The following IQCM variants were observed in gnomAD, a reference collection of about 807,000 sequenced individuals.
The protein encoded by IQCM is IQ domain-containing protein M.
A neutral mutation model predicts 57.6 loss-of-function variants in IQCM; 45 were observed. The ratio of observed to expected loss-of-function variants is 0.78; its 90% CI spans 0.62 to 1.00. The LOEUF is 1.00. Ranked by LOEUF, IQCM falls within the 50% of genes least tolerant of loss-of-function variation. The probability of loss-of-function intolerance (pLI) is 0.00; values close to 1 mark genes in which losing one functional copy is unlikely to be tolerated. For missense variants in IQCM, 468 were observed against 511.6 expected, an observed-to-expected ratio of 0.91 and a Z score of 0.82; for synonymous variants, 148 against 158.9, an observed-to-expected ratio of 0.93 and a Z score of 0.51.
intron 12 of IQCM, among the ~76,000 whole-genome samples, chr4:149,457,240 G>T (rs1737797227): frequency 6.6e-6 from 1 of 151,988 alleles, no homozygotes; most frequent in African/African-American, 2.4e-5. Flanking sequence ...ATTATAATTA[G>T]CACTATCTAA....
intron 13 of IQCM, among the ~76,000 whole-genome samples, chr4:149,378,506 T>C (rs1448902338): frequency 6.6e-6 from 1 of 152,112 alleles, no homozygotes; most frequent in Non-Finnish European, 1.5e-5. Context: ...AGGTGACTCA[T>C]TATATTTTAG....
intron 7 of IQCM, among the ~76,000 whole-genome samples, chr4:149,656,392 A>C (rs77744384): frequency 0.024 from 3,708 of 152,114 alleles, 70 homozygotes; most frequent in Non-Finnish European, 0.032. Flanking sequence ...ATTTATGAAA[A>C]GATACTTGAT....
intron 2 of IQCM, among the ~76,000 whole-genome samples, chr4:149,748,458 A>C (rs2149927021): frequency 6.6e-6 from 1 of 152,258 alleles, no homozygotes; most frequent in South Asian, 2.1e-4. Context: ...GAGATGTTAA[A>C]CTGAGAACAC....
intron 13 of IQCM, among the ~76,000 whole-genome samples, chr4:149,401,100 A>G (rs568909599): frequency 6.6e-6 from 1 of 151,888 alleles, no homozygotes; most frequent in African/African-American, 2.4e-5. Context: ...CTAAATTTAG[A>G]TGAATAAGAT....
intron 7 of IQCM, among the ~76,000 whole-genome samples, chr4:149,645,206 T>C (rs921672857): frequency 6.6e-6 from 1 of 152,234 alleles, no homozygotes; most frequent in African/African-American, 2.4e-5. Flanking sequence ...GTTGGTTATA[T>C]GTATTACAAT....
intron 8 of IQCM, among the ~76,000 whole-genome samples, chr4:149,595,160 T>A (rs1414153800): frequency 6.6e-6 from 1 of 152,186 alleles, no homozygotes; most frequent in Non-Finnish European, 1.5e-5. Flanking sequence ...GCATATATAT[T>A]TAGGATAGTT....
chr4:149,707,707 T>A (rs1010524664), intron 5 of IQCM, among the ~76,000 whole-genome samples: 7 of 151,964 alleles, frequency 4.6e-5, no homozygotes, highest in African/African-American at 1.7e-4. Context: ...TCAGCCTACA[T>A]GTTGTACTAT....
At chr4:149,362,767 T>A (rs1293826678) in intron 13 of IQCM, among the ~76,000 whole-genome samples, 2 of 152,216 alleles carry the variant, frequency 1.3e-5, no homozygotes, top group Admixed American at 1.3e-4. Context: ...AGCTTGAACT[T>A]ACGTTTTGTG....
chr4:149,511,289 C>T (rs1744386724), intron 12 of IQCM, among the ~76,000 whole-genome samples: 1 of 151,848 alleles, frequency 6.6e-6, no homozygotes, highest in African/African-American at 2.4e-5. Flanking sequence ...GAGGCCAAGG[C>T]AGGTGGATCA....
intron 13 of IQCM, among the ~76,000 whole-genome samples, chr4:149,416,482 A>T (rs1733757958): frequency 6.6e-6 from 1 of 152,034 alleles, no homozygotes; most frequent in Admixed American, 6.6e-5. Flanking sequence ...TTTGGTATAC[A>T]TTAGAATCTC....
intron 2 of IQCM, among the ~76,000 whole-genome samples, chr4:149,814,521 T>G (rs947391498): frequency 4.0e-5 from 6 of 151,532 alleles, no homozygotes; most frequent in African/African-American, 1.4e-4. Flanking sequence ...ATCTTTATAC[T>G]TAATCATTCC....
chr4:149,534,384 C>T (rs546375821), intron 12 of IQCM, among the ~76,000 whole-genome samples: 133 of 152,074 alleles, frequency 8.7e-4, no homozygotes, highest in African/African-American at 2.7e-3. Context: ...TTGTTAATGC[C>T]GATAGGCATT....
At chr4:149,644,208 A>C (rs1320496020) in intron 7 of IQCM, among the ~76,000 whole-genome samples, 1 of 152,188 alleles carries the variant, frequency 6.6e-6, no homozygotes, top group East Asian at 1.9e-4. Flanking sequence ...CACAGAGAAA[A>C]GCATTTAAAT....
chr4:149,408,426 T>A (rs1490894309), intron 13 of IQCM, among the ~76,000 whole-genome samples: 2 of 152,176 alleles, frequency 1.3e-5, no homozygotes. Flanking sequence ...GCCATCTGAA[T>A]TTAAATGAAC....
Position 149,640,079 on chromosome 4 carries a change from A to C in IQCM, c.566-18835T>G, listed in dbSNP as rs190128289. Among the ~76,000 whole-genome samples the C allele has an allele frequency of 1.6e-3, 237 of 152,342 alleles. 1 individual carries two copies. Among genetic ancestry groups the C allele is most frequent in the African/African-American group, 5.5e-3 (230 of 41,584 alleles). ...GAATGTTGCCTTCAGGTGGATTTCA[A>C]AGTATACTGAGAATCAAAATTCTTG... On this transcript the variant is annotated intron_variant, in intron 7 of 13. Transcript: ENST00000636793.
intron 13 of IQCM, among the ~76,000 whole-genome samples, chr4:149,359,294 C>T (rs942221632): frequency 3.3e-5 from 5 of 152,146 alleles, no homozygotes; most frequent in African/African-American, 9.6e-5. Flanking sequence ...AAAAGCAGTA[C>T]CTATAATACC....
chr4:149,393,270 A>G (rs1731989928), intron 13 of IQCM, among the ~76,000 whole-genome samples: 1 of 152,016 alleles, frequency 6.6e-6, no homozygotes, highest in Admixed American at 6.6e-5. Context: ...AAATATAATG[A>G]TTGAAATTAT....
At chr4:149,590,720 T>G (rs1753075331) in intron 8 of IQCM, among the ~76,000 whole-genome samples, 1 of 152,064 alleles carries the variant, frequency 6.6e-6, no homozygotes, top group African/African-American at 2.4e-5. Context: ...TCTGTTCCTG[T>G]GTTGGTTTGC....
chr4:149,468,815 G>A (rs1739168517), intron 12 of IQCM, among the ~76,000 whole-genome samples: 1 of 152,162 alleles, frequency 6.6e-6, no homozygotes, highest in African/African-American at 2.4e-5. Flanking sequence ...TTGCTGTTCT[G>A]CAATATTTGC....
Sources: allele counts gnomAD v4.1 joint callset (sites outside exome capture counted in the v4.1 genomes callset), GRCh38; gene constraint gnomAD v4.1.1; transcripts MANE v1.5; gene names NCBI Gene and HGNC (gene_info 2026-07-23, HGNC 2026-07-21).